RGS6: variants seen among roughly 807,000 people sequenced by gnomAD.
RGS6 encodes the protein regulator of G protein signaling 6, also known as regulator of G-protein signaling 6.
RGS6 carries 30 observed loss-of-function variants against 78.5 expected under a neutral mutation model. The observed-to-expected ratio is 0.38, with a 90% CI of 0.29 to 0.52. The LOEUF (loss-of-function observed/expected upper bound fraction) is 0.52, where lower values mean the gene tolerates loss of function less well. RGS6 is among the 20% of genes least tolerant of loss of function. The pLI is 0.85. For missense variants in RGS6, 495 were observed against 609.7 expected, an observed-to-expected ratio of 0.81 and a Z score of 1.98; for synonymous variants, 206 against 206.0, an observed-to-expected ratio of 1.00 and a Z score of 0.00.
chr14:72,160,433 G>A (rs2096836820), intron 2 of RGS6, among the ~76,000 whole-genome samples: 1 of 152,162 alleles, frequency 6.6e-6, no homozygotes, highest in Non-Finnish European at 1.5e-5. Flanking sequence ...AGAATGAATG[G>A]AAGTGATATT....
intron 3 of RGS6, among the ~76,000 whole-genome samples, chr14:72,420,203 A>G (rs940335823): frequency 6.6e-6 from 1 of 152,242 alleles, no homozygotes; most frequent in Admixed American, 6.5e-5. Context: ...ACATGTGGCT[A>G]ACAAGGGTCT....
At chr14:71,908,352 C>T in the RGS6 span, 4 of 152,300 alleles carry the variant, frequency 2.6e-5, no homozygotes, top group South Asian at 6.2e-4. Flanking sequence ...TGCCGTCTAG[C>T]GAGAGTTTCC....
chr14:72,384,843 C>T (rs1201367483), intron 3 of RGS6, among the ~76,000 whole-genome samples: 1 of 152,098 alleles, frequency 6.6e-6, no homozygotes, highest in East Asian at 1.9e-4. Flanking sequence ...CTCCGCCTCC[C>T]GGATTCAAGT....
At chr14:72,241,542 C>T (rs1370400018) in intron 2 of RGS6, among the ~76,000 whole-genome samples, 4 of 152,114 alleles carry the variant, frequency 2.6e-5, no homozygotes, top group Non-Finnish European at 5.9e-5. Context: ...TGATGTAGTT[C>T]CTTTCAGATG....
At chr14:72,447,045 G>A (rs561360024) in intron 3 of RGS6, among the ~76,000 whole-genome samples, 2 of 152,242 alleles carry the variant, frequency 1.3e-5, no homozygotes, top group African/African-American at 2.4e-5. Flanking sequence ...AGGAAGAGGT[G>A]GGAGGAGGAA....
intron 2 of RGS6, among the ~76,000 whole-genome samples, chr14:72,094,729 A>G (rs2095361487): frequency 6.6e-6 from 1 of 152,106 alleles, no homozygotes; most frequent in Non-Finnish European, 1.5e-5. Flanking sequence ...GACATTGTTT[A>G]CTTTCGTTAT....
intron 2 of RGS6, among the ~76,000 whole-genome samples, chr14:72,236,496 C>G (rs1036049776): frequency 9.9e-5 from 15 of 152,164 alleles, no homozygotes; most frequent in African/African-American, 3.6e-4. Context: ...ATGCCAATCC[C>G]AAGCCAAGGT....
chr14:72,581,262 T>TGTCTTACTTCATGGCACCCC, the RGS6 span, among the ~76,000 whole-genome samples: 2 of 152,172 alleles, frequency 1.3e-5, no homozygotes, highest in Admixed American at 6.5e-5. Context: ...TGGGGTTCCT[T>TGTCTTACTTCATGGCACCCC]GTCTTACTTC....
intron 2 of RGS6, among the ~76,000 whole-genome samples, chr14:72,184,023 A>G (rs550225707): frequency 6.6e-6 from 1 of 152,070 alleles, no homozygotes; most frequent in Non-Finnish European, 1.5e-5. Flanking sequence ...AATGTTCTGT[A>G]GTTTCTGTAA....
At chr14:72,451,528 G>T (rs2095493544) in intron 3 of RGS6, among the ~76,000 whole-genome samples, 1 of 152,052 alleles carries the variant, frequency 6.6e-6, no homozygotes, top group African/African-American at 2.4e-5. Flanking sequence ...TAGCAAGGAA[G>T]GAGTTTCAAT....
chr14:72,098,318 T>A (rs2095452391), intron 2 of RGS6, among the ~76,000 whole-genome samples: 1 of 152,246 alleles, frequency 6.6e-6, no homozygotes, highest in Admixed American at 6.5e-5. Flanking sequence ...TTGGCTAAGA[T>A]AATAGGCTCC....
intron 2 of RGS6, among the ~76,000 whole-genome samples, chr14:72,127,344 T>A (rs965299665): frequency 6.6e-6 from 1 of 152,252 alleles, no homozygotes; most frequent in Non-Finnish European, 1.5e-5. Context: ...CTTTGTTTAC[T>A]GCACTAAATC....
chr14:71,957,638 T>A (rs1446011187), intron 1 of RGS6, among the ~76,000 whole-genome samples: 1 of 152,176 alleles, frequency 6.6e-6, no homozygotes, highest in Non-Finnish European at 1.5e-5. Flanking sequence ...TGGGTAGACC[T>A]GGCTTTCCAG....
At chr14:72,063,188 G>A (rs2093977499) in intron 2 of RGS6, among the ~76,000 whole-genome samples, 1 of 152,108 alleles carries the variant, frequency 6.6e-6, no homozygotes, top group Non-Finnish European at 1.5e-5. Context: ...CTGAATCTGG[G>A]GTGCTCCCAA....
chr14:72,011,042 A>G (rs577446242), intron 2 of RGS6, among the ~76,000 whole-genome samples: 1 of 152,304 alleles, frequency 6.6e-6, no homozygotes, highest in African/African-American at 2.4e-5. Context: ...GTGTTGTTCT[A>G]TTCTAAAATT....
intron 2 of RGS6, among the ~76,000 whole-genome samples, chr14:72,180,522 G>T (rs185319506): frequency 7.9e-5 from 12 of 152,208 alleles, no homozygotes; most frequent in African/African-American, 2.6e-4. Flanking sequence ...AGACTCAATT[G>T]GCTATCATGG....
the RGS6 span, among the ~76,000 whole-genome samples, chr14:71,918,069 T>C: frequency 6.6e-6 from 1 of 151,474 alleles, no homozygotes; most frequent in African/African-American, 2.4e-5. Context: ...TAGTCCCAGC[T>C]ACTCGGGAGG....
intron 3 of RGS6, among the ~76,000 whole-genome samples, chr14:72,374,953 A>C (rs1428118169): frequency 6.6e-6 from 1 of 152,256 alleles, no homozygotes; most frequent in Non-Finnish European, 1.5e-5. Context: ...GCAAATGAAA[A>C]ATATAATTGA....
intron 2 of RGS6, among the ~76,000 whole-genome samples, chr14:72,031,360 G>A (rs4899415): frequency 0.96 from 146,435 of 152,278 alleles, 70,471 homozygotes; most frequent in African/African-American, 0.99. Flanking sequence ...TTTTCTGTGA[G>A]TAAGATGTTT....
Sources: gnomAD v4.1 joint callset for allele counts (sites outside exome capture counted in the v4.1 genomes callset) on GRCh38, gnomAD v4.1.1 for gene constraint, MANE v1.5 for transcripts, NCBI Gene and HGNC (gene_info 2026-07-23, HGNC 2026-07-21) for gene names.